Variants in DLG2 observed in about 807,000 individuals in gnomAD.
DLG2 encodes disks large homolog 2.
In DLG2, 45 loss-of-function variants were observed where a neutral mutation model predicts 132.5. The ratio of observed to expected loss-of-function variants is 0.34; its 90% confidence interval spans 0.27 to 0.44. The LOEUF (loss-of-function observed/expected upper bound fraction) is 0.44, where lower values mean the gene tolerates loss of function less well. Among genes scored for constraint, DLG2 ranks in the 20% least tolerant of loss-of-function variants. The pLI, the probability that DLG2 is intolerant of heterozygous loss-of-function variation, is 1.00. For synonymous variants in DLG2, 424 were observed against 419.6 expected (o/e 1.01, Z -0.13); for missense variants, 1,045 against 1,196.9 (o/e 0.87, Z 1.87).
intron 6 of DLG2, among the ~76,000 whole-genome samples, chr11:84,559,399 G>C (rs2099418621): frequency 6.6e-6 from 1 of 152,032 alleles, no homozygotes; most frequent in African/African-American, 2.4e-5. Context: ...ATGTAAATTA[G>C]TATAATATAC....
chr11:84,215,088 C>T (rs1164567482), intron 8 of DLG2, among the ~76,000 whole-genome samples: 2 of 152,146 alleles, frequency 1.3e-5, no homozygotes, highest in Admixed American at 1.3e-4. Context: ...AAGAAAAACA[C>T]AGAAAGAAGA....
chr11:84,196,812 G>A (rs562779009), intron 8 of DLG2, among the ~76,000 whole-genome samples: 7 of 152,026 alleles, frequency 4.6e-5, no homozygotes, highest in Middle Eastern at 3.4e-3. Flanking sequence ...AGGCCGAGAC[G>A]GGTGGATCAT....
chr11:85,506,033 G>T (rs1045918032), intron 3 of DLG2, among the ~76,000 whole-genome samples: 3 of 152,106 alleles, frequency 2.0e-5, no homozygotes, highest in African/African-American at 7.2e-5. Context: ...TTCTCTGATG[G>T]TAGTTTGTAT....
chr11:83,517,749 C>G (rs1225617374), intron 21 of DLG2, among the ~76,000 whole-genome samples: 1 of 152,210 alleles, frequency 6.6e-6, no homozygotes, highest in Admixed American at 6.5e-5. Context: ...AGTCAGTACC[C>G]TCAGCTGCAG....
chr11:84,351,303 G>A (rs2098568153), intron 7 of DLG2, among the ~76,000 whole-genome samples: 1 of 151,894 alleles, frequency 6.6e-6, no homozygotes. Flanking sequence ...GACTTCATCT[G>A]TTTTTCAGCC....
chr11:85,224,241 T>A (rs2152620873), intron 4 of DLG2, among the ~76,000 whole-genome samples: 1 of 152,198 alleles, frequency 6.6e-6, no homozygotes, highest in Non-Finnish European at 1.5e-5. Flanking sequence ...TTGACAGAAA[T>A]CAGGTGTAGG....
intron 14 of DLG2, among the ~76,000 whole-genome samples, chr11:83,954,030 T>C (rs968941575): frequency 4.6e-5 from 7 of 152,252 alleles, no homozygotes; most frequent in Non-Finnish European, 7.3e-5. Context: ...ACAATAGCTA[T>C]GTATATGCAA....
intron 8 of DLG2, among the ~76,000 whole-genome samples, chr11:84,199,317 A>G (rs1023418761): frequency 1.3e-5 from 2 of 152,176 alleles, no homozygotes; most frequent in African/African-American, 4.8e-5. Flanking sequence ...CCCGATATTA[A>G]TAATTTCTGA....
chr11:84,908,770 T>G lies in DLG2; in HGVS notation c.357+202891A>C, dbSNP rs547597392. On this transcript the variant is annotated intron_variant, in intron 6 of 27. Coordinates refer to ENST00000376104, the MANE Select transcript of DLG2 (RefSeq NM_001142699.3). ...GCTTGTAAGATGGGATGCTAATGTCTATCATATAAACAAAGATTTTGTTGA... is the reference window on the plus strand; with the variant it reads ...GCTTGTAAGATGGGATGCTAATGTCGATCATATAAACAAAGATTTTGTTGA... 1.3e-4 allele frequency among the ~76,000 whole-genome samples: 20 copies of G among 151,672 alleles called. No homozygotes were observed. The South Asian group carries it at 3.4e-3, about 25-fold the overall frequency.
chr11:83,629,875 T>G (rs1316693023), intron 19 of DLG2, among the ~76,000 whole-genome samples: 1 of 152,166 alleles, frequency 6.6e-6, no homozygotes, highest in Non-Finnish European at 1.5e-5. Flanking sequence ...TGAAAAACAT[T>G]TTATTCATAT....
intron 2 of DLG2, among the ~76,000 whole-genome samples, chr11:85,605,382 G>A (rs564246303): frequency 1.2e-4 from 19 of 152,118 alleles, no homozygotes; most frequent in South Asian, 2.1e-4. Context: ...GACATAAATC[G>A]TATCACTGAA....
intron 6 of DLG2, among the ~76,000 whole-genome samples, chr11:85,058,151 C>A (rs574052606): frequency 3.3e-5 from 5 of 151,196 alleles, no homozygotes; most frequent in African/African-American, 1.2e-4. Context: ...ATAGTAAATC[C>A]AAAAGAATCT....
chr11:84,921,714 A>C (rs1236359504), intron 6 of DLG2, among the ~76,000 whole-genome samples: 2 of 151,936 alleles, frequency 1.3e-5, no homozygotes, highest in Admixed American at 1.3e-4. Flanking sequence ...CAAAAAGATG[A>C]GGAGGGAAAA....
rs752264593 is a variant in DLG2, at chr11:84,405,988, C to T, written c.519+128582G>A. Among the ~76,000 whole-genome samples, 8 of 152,136 alleles carry T rather than the reference C, an allele frequency of 5.3e-5. No individual in the cohort carries two copies. The East Asian group carries it at 9.7e-4, about 18-fold the overall frequency. Reference sequence around the variant, plus strand: ...TGCCATCTCTTGCCAAGATCATGAGCAATAGCCCCCTTCTTGGTCACAGTT... The same window carrying T: ...TGCCATCTCTTGCCAAGATCATGAGTAATAGCCCCCTTCTTGGTCACAGTT... On this transcript the variant is annotated intron_variant, in intron 7 of 27. Coordinates refer to ENST00000376104, the MANE Select transcript of DLG2 (RefSeq NM_001142699.3).
At chr11:84,987,399 C>T (rs2056615078) in intron 6 of DLG2, among the ~76,000 whole-genome samples, 1 of 151,932 alleles carries the variant, frequency 6.6e-6, no homozygotes, top group Non-Finnish European at 1.5e-5. Flanking sequence ...CATCATTCCT[C>T]ACAGAATTAG....
chr11:85,179,569 G>T (rs994822509), intron 4 of DLG2, among the ~76,000 whole-genome samples: 11 of 151,498 alleles, frequency 7.3e-5, no homozygotes, highest in African/African-American at 2.4e-4. Flanking sequence ...ACCAATTAAA[G>T]AACAGAAGAC....
At chr11:84,393,122 C>T (rs765391251) in intron 7 of DLG2, among the ~76,000 whole-genome samples, 2 of 152,058 alleles carry the variant, frequency 1.3e-5, no homozygotes, top group African/African-American at 2.4e-5. Flanking sequence ...CAGACGGGAT[C>T]GCCTTTGAAT....
At chr11:84,783,801 T>G (rs1272767041) in intron 6 of DLG2, among the ~76,000 whole-genome samples, 3 of 152,112 alleles carry the variant, frequency 2.0e-5, no homozygotes, top group Non-Finnish European at 2.9e-5. Flanking sequence ...ATGTTCAACA[T>G]GTCAAATAAT....
At chr11:84,654,886 T>C (rs2099686353) in intron 6 of DLG2, among the ~76,000 whole-genome samples, 1 of 152,114 alleles carries the variant, frequency 6.6e-6, no homozygotes, top group African/African-American at 2.4e-5. Flanking sequence ...ACCACTCTCT[T>C]CCTCTCCATC....
Sources: gnomAD v4.1 joint callset for allele counts (sites outside exome capture counted in the v4.1 genomes callset) on GRCh38, gnomAD v4.1.1 for gene constraint, MANE v1.5 for transcripts, NCBI Gene and HGNC (gene_info 2026-07-23, HGNC 2026-07-21) for gene names.